TCERG1L: variants seen among roughly 807,000 people sequenced by gnomAD.
TCERG1L encodes the protein transcription elongation regulator 1-like protein.
Under a neutral mutation model 56.3 loss-of-function variants are expected in TCERG1L, and 37 were observed. The ratio of observed to expected loss-of-function variants is 0.66; its 90% CI spans 0.51 to 0.87. The LOEUF (loss-of-function observed/expected upper bound fraction) is 0.87. Ranked by LOEUF, TCERG1L falls within the 40% of genes least tolerant of loss-of-function variation. The pLI is 0.00. For missense variants in TCERG1L, 799 were observed against 774.2 expected, an observed-to-expected ratio of 1.03 and a Z score of -0.38; for synonymous variants, 324 against 326.3, an observed-to-expected ratio of 0.99 and a Z score of 0.08.
chr10:131,128,787 A>C (rs568023880), intron 8 of TCERG1L, among the ~76,000 whole-genome samples: 1 of 152,340 alleles, frequency 6.6e-6, no homozygotes, highest in South Asian at 2.1e-4. Context: ...TCGTAGATCA[A>C]GATAGATCAT....
intron 4 of TCERG1L, among the ~76,000 whole-genome samples, chr10:131,185,058 C>T (rs1313873693): frequency 6.6e-6 from 1 of 152,054 alleles, no homozygotes; most frequent in Non-Finnish European, 1.5e-5. Context: ...ATGATGCCAC[C>T]ACACTCCAGC....
At chr10:131,100,642 G>C (rs1387560702) in intron 10 of TCERG1L, among the ~76,000 whole-genome samples, 5 of 152,054 alleles carry the variant, frequency 3.3e-5, no homozygotes, top group South Asian at 2.1e-4. Flanking sequence ...ACACTCCCTC[G>C]ACCCTGATTC....
At chr10:131,248,038 C>G (rs1846058736) in intron 4 of TCERG1L, among the ~76,000 whole-genome samples, 1 of 148,360 alleles carries the variant, frequency 6.7e-6, no homozygotes, top group Non-Finnish European at 1.5e-5. Flanking sequence ...CAGGTAAACT[C>G]ACACACATTG....
intron 3 of TCERG1L, among the ~76,000 whole-genome samples, chr10:131,290,617 G>C (rs1846603914): frequency 9.0e-6 from 1 of 110,612 alleles, no homozygotes. Context: ...GACAAGAACA[G>C]TGAAACCCCA....
chr10:131,224,231 T>C (rs1465733053), intron 4 of TCERG1L, among the ~76,000 whole-genome samples: 2 of 152,110 alleles, frequency 1.3e-5, no homozygotes, highest in Non-Finnish European at 2.9e-5. Flanking sequence ...CCTCGGATGA[T>C]GCCCCTACAT....
At chr10:131,202,308 G>A (rs761375672) in intron 4 of TCERG1L, among the ~76,000 whole-genome samples, 2 of 152,206 alleles carry the variant, frequency 1.3e-5, no homozygotes, top group African/African-American at 2.4e-5. Context: ...TTCGCCGGGC[G>A]CGGTGGTTCA....
At chr10:131,278,663 T>A (rs1564832138) in intron 3 of TCERG1L, among the ~76,000 whole-genome samples, 1 of 152,130 alleles carries the variant, frequency 6.6e-6, no homozygotes, top group Non-Finnish European at 1.5e-5. Flanking sequence ...TTTCAAGACA[T>A]GAGAACGATC....
intron 3 of TCERG1L, among the ~76,000 whole-genome samples, chr10:131,293,035 G>C (rs1008202994): frequency 7.2e-5 from 11 of 152,094 alleles, no homozygotes; most frequent in Non-Finnish European, 1.3e-4. Context: ...ATTTTTAGTA[G>C]AGACAGCGTT....
At chr10:131,167,924 G>A (rs997071964) in intron 4 of TCERG1L, among the ~76,000 whole-genome samples, 5 of 152,192 alleles carry the variant, frequency 3.3e-5, no homozygotes, top group African/African-American at 9.6e-5. Context: ...AGAATAAAAA[G>A]AAGGACCCAA....
At chr10:131,282,101 A>T (rs1846463570) in intron 3 of TCERG1L, among the ~76,000 whole-genome samples, 1 of 142,890 alleles carries the variant, frequency 7.0e-6, no homozygotes. Context: ...ACGCCACTGC[A>T]GTCTGGCCTG....
chr10:131,298,152 T>G (rs1045392939), intron 3 of TCERG1L, among the ~76,000 whole-genome samples: 6 of 151,750 alleles, frequency 4.0e-5, no homozygotes, highest in Non-Finnish European at 8.8e-5. Context: ...GTATTTCTTT[T>G]TTTTTTTAAT....
intron 9 of TCERG1L, among the ~76,000 whole-genome samples, chr10:131,114,626 A>G (rs1486674840): frequency 6.6e-6 from 1 of 152,150 alleles, no homozygotes; most frequent in Admixed American, 6.5e-5. Flanking sequence ...TCTCATTAGT[A>G]AAATCTCTCA....
At chr10:131,191,357 G>A (rs1391029795) in intron 4 of TCERG1L, among the ~76,000 whole-genome samples, 1 of 143,664 alleles carries the variant, frequency 7.0e-6, no homozygotes, top group Non-Finnish European at 1.5e-5. Context: ...CCAACATCAT[G>A]TGTCACAGAA....
intron 9 of TCERG1L, among the ~76,000 whole-genome samples, chr10:131,112,462 T>C (rs902432652): frequency 7.0e-6 from 1 of 142,250 alleles, no homozygotes; most frequent in Non-Finnish European, 1.6e-5. Flanking sequence ...TGGACAGCCT[T>C]CATTTTTGAG....
At chr10:131,303,487 T>C (rs1028053615) in intron 3 of TCERG1L, among the ~76,000 whole-genome samples, 1 of 152,118 alleles carries the variant, frequency 6.6e-6, no homozygotes, top group East Asian at 1.9e-4. Flanking sequence ...GTTTATTTCT[T>C]GCAGATTTGT....
chr10:131,185,804 G>A (rs1845235123), intron 4 of TCERG1L, among the ~76,000 whole-genome samples: 1 of 152,096 alleles, frequency 6.6e-6, no homozygotes, highest in Admixed American at 6.6e-5. Context: ...CTAGAAAACA[G>A]TCAAAAAGTC....
At chr10:131,141,664 C>T (rs1845740260) in intron 7 of TCERG1L, among the ~76,000 whole-genome samples, 1 of 151,960 alleles carries the variant, frequency 6.6e-6, no homozygotes, top group African/African-American at 2.4e-5. Context: ...TCCCTCCTTT[C>T]CAACTTCCCC....
chr10:131,270,394 TC>T (rs1449582727), intron 3 of TCERG1L, among the ~76,000 whole-genome samples: 1 of 152,180 alleles, frequency 6.6e-6, no homozygotes, highest in African/African-American at 2.4e-5. Context: ...CCACAGGGAA[TC>T]CCGTAGTTGA....
At chr10:131,252,168 G>A (rs1403003172) in intron 4 of TCERG1L, among the ~76,000 whole-genome samples, 2 of 152,128 alleles carry the variant, frequency 1.3e-5, no homozygotes, top group African/African-American at 2.4e-5. Context: ...ATCAATGGAC[G>A]CTCGGATCAC....
Sources: allele counts gnomAD v4.1 joint callset (sites outside exome capture counted in the v4.1 genomes callset), GRCh38; gene constraint gnomAD v4.1.1; transcripts MANE v1.5; gene names NCBI Gene and HGNC (gene_info 2026-07-23, HGNC 2026-07-21).